The following CEP128 variants were observed in gnomAD, a reference collection of about 807,000 sequenced individuals.
The protein encoded by CEP128 is centrosomal protein 128kDa.
A neutral mutation model predicts 156.7 loss-of-function variants in CEP128; 132 were observed. That is an observed-to-expected ratio of 0.84 (90% CI 0.73 to 0.97). CEP128 has a LOEUF of 0.97. CEP128 is among the 50% of genes least tolerant of loss of function. The pLI, the probability that CEP128 is intolerant of heterozygous loss-of-function variation, is 0.00. For missense variants in CEP128, 1,252 were observed against 1,281.9 expected (o/e 0.98, Z 0.36); for synonymous variants, 469 against 448.9 (o/e 1.04, Z -0.57).
upstream of CEP128, among the ~76,000 whole-genome samples, chr14:80,944,869 G>T (rs1017127664): frequency 2.8e-5 from 1 of 35,322 alleles, no homozygotes; most frequent in Non-Finnish European, 5.7e-5. Flanking sequence ...AGAAAAAACA[G>T]AACAAAACAA....
Position 80,948,898 on chromosome 14 carries a change from T to C in CEP128, c.-172+9280A>G, listed in dbSNP as rs527378392. ...ATTTGTTGAGCAGACTATTAGAACATGGTTAGCCCTAAGGCATGTTCCAAT... is the reference window on the plus strand; with the variant it reads ...ATTTGTTGAGCAGACTATTAGAACACGGTTAGCCCTAAGGCATGTTCCAAT... On this transcript the variant is annotated intron_variant, in intron 2 of 7. Coordinates refer to the CEP128 transcript ENST00000555529. Among the ~76,000 whole-genome samples, 31 of 152,332 alleles carry C rather than the reference T, an allele frequency of 2.0e-4. No individual in the cohort carries two copies. In the South Asian group the frequency reaches 6.2e-3, roughly 31 times the overall value.
intron 21 of CEP128, among the ~76,000 whole-genome samples, chr14:80,548,010 G>C (rs1401080453): frequency 6.6e-6 from 1 of 152,034 alleles, no homozygotes; most frequent in Admixed American, 6.6e-5. Flanking sequence ...ATGTTAGCCA[G>C]GCTAGTCTCG....
chr14:80,663,710 TCCCTAAC>T (rs977311887), intron 19 of CEP128, among the ~76,000 whole-genome samples: 2 of 152,184 alleles, frequency 1.3e-5, no homozygotes, highest in African/African-American at 4.8e-5. Flanking sequence ...TGGCATCGTT[TCCCTAAC>T]CCCCCTACAA....
chr14:80,678,049 A>AATATATATATATAT (rs1555390205), intron 19 of CEP128, among the ~76,000 whole-genome samples: 1,582 of 98,406 alleles, frequency 0.016, 42 homozygotes, highest in African/African-American at 0.045. Flanking sequence ...ATAAAAAAAA[A>AATATATATATATAT]ATATATATAT....
chr14:80,797,062 G>A (rs908860718), intron 13 of CEP128, among the ~76,000 whole-genome samples: 2 of 152,110 alleles, frequency 1.3e-5, no homozygotes, highest in Admixed American at 6.6e-5. Flanking sequence ...CAGAAATAAG[G>A]TTCTAGTTAG....
At chr14:80,829,902 A>AT (rs561738829) in intron 13 of CEP128, among the ~76,000 whole-genome samples, 24 of 152,086 alleles carry the variant, frequency 1.6e-4, no homozygotes, top group Non-Finnish European at 3.4e-4. Context: ...CATATTTGAG[A>AT]TTTTTTTCCA....
intron 19 of CEP128, among the ~76,000 whole-genome samples, chr14:80,682,638 G>C (rs1309247705): frequency 6.6e-6 from 1 of 152,150 alleles, no homozygotes; most frequent in East Asian, 1.9e-4. Flanking sequence ...AAGGAATATA[G>C]TCAGCAGGAT....
chr14:80,913,403 CATT>C (rs1272640333), intron 4 of CEP128, among the ~76,000 whole-genome samples: 10 of 152,136 alleles, frequency 6.6e-5, no homozygotes, highest in African/African-American at 2.2e-4. Flanking sequence ...CGTTGTATAA[CATT>C]ATATTTAATA....
intron 23 of CEP128, among the ~76,000 whole-genome samples, chr14:80,506,335 C>CT (rs398057291): frequency 0.75 from 95,451 of 126,866 alleles, 37,977 homozygotes; most frequent in Non-Finnish European, 0.88. Context: ...ATTTGAAACT[C>CT]TTTTTTTTTT....
intron 4 of CEP128, among the ~76,000 whole-genome samples, chr14:80,911,455 G>A (rs1884210341): frequency 1.3e-5 from 2 of 152,240 alleles, no homozygotes; most frequent in South Asian, 4.1e-4. Context: ...ACAGTGAGCT[G>A]TGATTGTACC....
intron 19 of CEP128, among the ~76,000 whole-genome samples, chr14:80,650,705 T>C (rs1894865588): frequency 6.6e-6 from 1 of 152,218 alleles, no homozygotes; most frequent in Non-Finnish European, 1.5e-5. Context: ...GTTCTGTTTA[T>C]GTGATGGATT....
intron 14 of CEP128, among the ~76,000 whole-genome samples, chr14:80,790,201 G>T (rs556046130): frequency 6.6e-6 from 1 of 151,656 alleles, no homozygotes; most frequent in South Asian, 2.1e-4. Context: ...CAATTATTCT[G>T]CCAATTCAGC....
intron 21 of CEP128, among the ~76,000 whole-genome samples, chr14:80,542,072 A>T (rs1354062432): frequency 2.0e-5 from 3 of 152,230 alleles, no homozygotes; most frequent in African/African-American, 7.2e-5. Flanking sequence ...CTATTACTAC[A>T]ATGATAACAC....
At chr14:80,726,010 T>C (rs1420362162) in intron 19 of CEP128, among the ~76,000 whole-genome samples, 3 of 152,136 alleles carry the variant, frequency 2.0e-5, no homozygotes, top group Non-Finnish European at 2.9e-5. Flanking sequence ...ATAAGTAACT[T>C]CTATAAGATC....
At chr14:80,484,627 C>T (rs796546791) in intron 14 of CEP128, among the ~76,000 whole-genome samples, 1 of 152,270 alleles carries the variant, frequency 6.6e-6, no homozygotes, top group African/African-American at 2.4e-5. Context: ...CAGTTATCAC[C>T]TTAGGAAAGC....
At chr14:80,748,476 A>G (rs922199067) in intron 18 of CEP128, among the ~76,000 whole-genome samples, 2 of 152,214 alleles carry the variant, frequency 1.3e-5, no homozygotes, top group Non-Finnish European at 2.9e-5. Flanking sequence ...AGTGTTTTCT[A>G]CGTAGAGTAT....
intron 24 of CEP128, among the ~76,000 whole-genome samples, chr14:80,500,249 G>T (rs890039175): frequency 3.9e-5 from 6 of 152,152 alleles, no homozygotes; most frequent in African/African-American, 1.4e-4. Flanking sequence ...TTTGGTCACA[G>T]TTTGACAGGG....
chr14:80,566,988 A>G lies in CEP128; in HGVS notation c.2857-7686T>C, dbSNP rs750980425. On this transcript the variant is annotated intron_variant, in intron 20 of 24. Transcript: ENST00000555265. ...ATGTTCTAGCCTACAGGGAAGCCCAATAATGGTCCTTGTTGCCTGATTTTC... is the reference window on the plus strand; with the variant it reads ...ATGTTCTAGCCTACAGGGAAGCCCAGTAATGGTCCTTGTTGCCTGATTTTC... Among the ~76,000 whole-genome samples, 5 of 152,284 alleles carry G rather than the reference A, an allele frequency of 3.3e-5. No homozygotes were observed. In the East Asian group the frequency reaches 5.8e-4, roughly 18 times the overall value.
chr14:80,740,385 G>A (rs568918695), intron 19 of CEP128, among the ~76,000 whole-genome samples: 1 of 151,842 alleles, frequency 6.6e-6, no homozygotes, highest in African/African-American at 2.4e-5. Context: ...CTTTGGGCCA[G>A]GACAGGCCAC....
Sources: gnomAD v4.1 joint callset for allele counts (sites outside exome capture counted in the v4.1 genomes callset) on GRCh38, gnomAD v4.1.1 for gene constraint, MANE v1.5 for transcripts, NCBI Gene and HGNC (gene_info 2026-07-23, HGNC 2026-07-21) for gene names.